The following MDGA2 variants were observed in gnomAD, a reference collection of about 807,000 sequenced individuals.
MDGA2 encodes the protein MAM domain containing glycosylphosphatidylinositol anchor 2.
MDGA2 carries 40 observed loss-of-function variants against 117.8 expected under a neutral mutation model. The observed-to-expected ratio is 0.34, with a 90% CI of 0.26 to 0.44. The LOEUF (loss-of-function observed/expected upper bound fraction) is 0.44. Ranked by LOEUF, MDGA2 falls within the 20% of genes least tolerant of loss-of-function variation. The pLI is 1.00. For missense variants in MDGA2, 1,123 were observed against 1,250.6 expected (o/e 0.90, Z 1.54); for synonymous variants, 452 against 439.0 (o/e 1.03, Z -0.37).
intron 8 of MDGA2, among the ~76,000 whole-genome samples, chr14:46,958,828 A>G (rs1885667466): frequency 6.6e-6 from 1 of 152,214 alleles, no homozygotes; most frequent in Non-Finnish European, 1.5e-5. Flanking sequence ...ACATGTTTTC[A>G]ATCCTCTGAA....
At chr14:47,340,895 G>A (rs1456111383) in intron 1 of MDGA2, among the ~76,000 whole-genome samples, 1 of 152,128 alleles carries the variant, frequency 6.6e-6, no homozygotes, top group Non-Finnish European at 1.5e-5. Context: ...AAGATCCAAT[G>A]TCATAAAATT....
chr14:47,155,638 G>T (rs1010822984), intron 3 of MDGA2, among the ~76,000 whole-genome samples: 18 of 151,264 alleles, frequency 1.2e-4, no homozygotes, highest in Non-Finnish European at 2.2e-4. Flanking sequence ...AGACCCTGTG[G>T]TTGCTCAAAC....
intron 8 of MDGA2, among the ~76,000 whole-genome samples, chr14:46,971,641 A>G (rs759454234): frequency 6.6e-6 from 1 of 152,094 alleles, no homozygotes; most frequent in Non-Finnish European, 1.5e-5. Context: ...CCAATACTTG[A>G]TAGCAGATTA....
chr14:47,018,979 A>G (rs1303343021), intron 8 of MDGA2, among the ~76,000 whole-genome samples: 1 of 152,166 alleles, frequency 6.6e-6, no homozygotes, highest in Non-Finnish European at 1.5e-5. Flanking sequence ...CTGCTTCTAC[A>G]TTAGATTATA....
chr14:47,548,351 T>G (rs1019871999), intron 1 of MDGA2, among the ~76,000 whole-genome samples: 9 of 152,150 alleles, frequency 5.9e-5, no homozygotes, highest in African/African-American at 1.7e-4. Flanking sequence ...TTCTTGCGAC[T>G]TTTTTTCTTT....
chr14:47,319,379 T>C (rs1361720716), intron 1 of MDGA2, among the ~76,000 whole-genome samples: 1 of 152,176 alleles, frequency 6.6e-6, no homozygotes, highest in East Asian at 1.9e-4. Flanking sequence ...GTTTTCCAAA[T>C]AATGAAATTG....
At chr14:47,054,691 T>C (rs2138746309) in intron 7 of MDGA2, among the ~76,000 whole-genome samples, 1 of 151,752 alleles carries the variant, frequency 6.6e-6, no homozygotes, top group Admixed American at 6.6e-5. Context: ...CCCTCAGAAA[T>C]AATGCCACAT....
At chr14:47,030,220 T>G (rs1888613191) in intron 8 of MDGA2, among the ~76,000 whole-genome samples, 1 of 152,084 alleles carries the variant, frequency 6.6e-6, no homozygotes, top group Admixed American at 6.5e-5. Flanking sequence ...GTTTAGAAAG[T>G]TGTTTTAGTT....
intron 3 of MDGA2, among the ~76,000 whole-genome samples, chr14:47,163,155 C>G (rs767760265): frequency 1.3e-5 from 2 of 152,140 alleles, no homozygotes; most frequent in Non-Finnish European, 2.9e-5. Context: ...TGTGGGAAGA[C>G]AAAGTCATCC....
At chr14:47,072,104 G>T (rs111473784) in intron 6 of MDGA2, among the ~76,000 whole-genome samples, 38 of 114,832 alleles carry the variant, frequency 3.3e-4, no homozygotes, top group Admixed American at 9.6e-4. Context: ...TGTTGTTTGG[G>T]GGGGGGGGGG....
At chr14:47,162,114 T>C (rs1267737140) in intron 3 of MDGA2, among the ~76,000 whole-genome samples, 5 of 151,698 alleles carry the variant, frequency 3.3e-5, no homozygotes, top group South Asian at 2.1e-4. Flanking sequence ...CCCAGCTAGT[T>C]TTTTGTATTT....
chr14:47,213,676 G>A (rs114573366), intron 3 of MDGA2, among the ~76,000 whole-genome samples: 3 of 151,976 alleles, frequency 2.0e-5, no homozygotes, highest in African/African-American at 7.3e-5. Flanking sequence ...CTTTTAATAT[G>A]TAAGAGCTAT....
intron 5 of MDGA2, among the ~76,000 whole-genome samples, chr14:47,118,329 A>C (rs1881441480): frequency 6.6e-6 from 1 of 152,234 alleles, no homozygotes; most frequent in African/African-American, 2.4e-5. Flanking sequence ...ATATAGAAGA[A>C]CTAAATAGGT....
At chr14:46,935,017 GAT>G (rs1884726089) in intron 9 of MDGA2, among the ~76,000 whole-genome samples, 1 of 151,328 alleles carries the variant, frequency 6.6e-6, no homozygotes, top group African/African-American at 2.4e-5. Context: ...TCTCCAGGTG[GAT>G]AGTGTCAGAA....
chr14:47,611,699 A>T (rs1896851675), intron 1 of MDGA2, among the ~76,000 whole-genome samples: 1 of 152,112 alleles, frequency 6.6e-6, no homozygotes, highest in Non-Finnish European at 1.5e-5. Flanking sequence ...AAAAAATAAA[A>T]AAACAGTAGG....
chr14:47,179,642 C>T (rs1056371248), intron 3 of MDGA2, among the ~76,000 whole-genome samples: 5 of 151,882 alleles, frequency 3.3e-5, no homozygotes, highest in Non-Finnish European at 7.4e-5. Context: ...ATTATATACA[C>T]ATCACATAAA....
intron 4 of MDGA2, among the ~76,000 whole-genome samples, chr14:47,143,231 C>T (rs1305627288): frequency 1.3e-5 from 2 of 152,148 alleles, no homozygotes; most frequent in African/African-American, 4.8e-5. Flanking sequence ...TCAGCCTCAG[C>T]CTCCCAAAAT....
At chr14:47,398,486 G>C (rs2138454039) in intron 1 of MDGA2, among the ~76,000 whole-genome samples, 1 of 152,184 alleles carries the variant, frequency 6.6e-6, no homozygotes, top group African/African-American at 2.4e-5. Flanking sequence ...TTGTTATGGG[G>C]ATTATAGAAA....
At chr14:47,566,243 G>T (rs928652686) in intron 1 of MDGA2, among the ~76,000 whole-genome samples, 1 of 152,168 alleles carries the variant, frequency 6.6e-6, no homozygotes, top group African/African-American at 2.4e-5. Flanking sequence ...GTAAGGTATG[G>T]TCTGCTAGTA....
Sources: gnomAD v4.1 joint callset for allele counts (sites outside exome capture counted in the v4.1 genomes callset) on GRCh38, gnomAD v4.1.1 for gene constraint, MANE v1.5 for transcripts, NCBI Gene and HGNC (gene_info 2026-07-23, HGNC 2026-07-21) for gene names.